The following CEP63 variants were observed in gnomAD, a reference collection of about 807,000 sequenced individuals.
CEP63 encodes centrosomal protein of 63 kDa.
Under a neutral mutation model 89.1 loss-of-function variants are expected in CEP63, and 84 were observed. That is an observed-to-expected ratio of 0.94 (90% CI 0.79 to 1.13). The LOEUF (loss-of-function observed/expected upper bound fraction) is 1.13. CEP63 is among the 50% of genes most tolerant of loss of function. CEP63 has a pLI of 0.00. For missense variants in CEP63, 838 were observed against 813.3 expected, an observed-to-expected ratio of 1.03 and a Z score of -0.37; for synonymous variants, 267 against 272.5, an observed-to-expected ratio of 0.98 and a Z score of 0.20.
At chr3:134,604,061 G>A in the CEP63 span, 15 of 1,613,812 alleles carry the variant, frequency 9.3e-6, 1 homozygote, top group South Asian at 1.6e-4. Context: ...TCAGTGATGG[G>A]GCCATCATCC....
At chr3:134,606,061 C>T in the CEP63 span, among the ~76,000 whole-genome samples, 1 of 152,238 alleles carries the variant, frequency 6.6e-6, no homozygotes, top group Non-Finnish European at 1.5e-5. Flanking sequence ...TTGCTATCCC[C>T]TCTTGGTGAA....
the CEP63 span, among the ~76,000 whole-genome samples, chr3:134,644,808 G>A: frequency 5.9e-5 from 9 of 152,218 alleles, no homozygotes; most frequent in Admixed American, 5.9e-4. Context: ...GTCCTGCCCT[G>A]GAAAGCCTGC....
rs1219530313 is a variant in CEP63 at position 134,486,243 on chromosome 3, T to C, written c.-26+41T>C. On this transcript the variant is annotated intron_variant, in intron 1 of 14. Transcript: ENST00000675561. ...CTCAGGGGCGTGCTTGCGGCAACCC[T>C]GTAACCGCCGGTGCGCAAGTTGGAG... is the stretch of plus-strand genomic sequence containing the variant. The C allele has an allele frequency of 8.1e-6, 8 of 985,300 alleles. No homozygotes were observed. The East Asian group carries it at 7.9e-4, about 98-fold the overall frequency. The allele number at this position is 985,300 out of a possible 1,614,324, so 61.0% of individuals were successfully genotyped here.
intron 11 of CEP63, among the ~76,000 whole-genome samples, chr3:134,571,115 C>T (rs985646662): frequency 3.3e-5 from 5 of 152,220 alleles, no homozygotes; most frequent in African/African-American, 1.2e-4. Context: ...AACCAAATCA[C>T]ATCAAGTGTT....
chr3:134,686,490 C>T, the CEP63 span, among the ~76,000 whole-genome samples: 22 of 152,152 alleles, frequency 1.4e-4, no homozygotes, highest in Non-Finnish European at 3.2e-4. Flanking sequence ...GGGGCAGTAG[C>T]CAGGATCCCA....
chr3:134,575,079 A>T, downstream of CEP63: 2 of 385,514 alleles, frequency 5.2e-6, no homozygotes, highest in Non-Finnish European at 9.2e-6. Flanking sequence ...CACTAAAAAC[A>T]TCAGGAATTT....
the CEP63 span, among the ~76,000 whole-genome samples, chr3:134,665,693 ACACACAC>A: frequency 1.4e-5 from 2 of 138,628 alleles, no homozygotes; most frequent in Non-Finnish European, 1.6e-5. Context: ...ACACACACAC[ACACACAC>A]ACAGAGAGAG....
At position 134,559,232 on chromosome 3, in the gene CEP63, T is replaced by C; in HGVS notation, c.1756T>C (p.Ser586Pro). 1 of 1,614,154 alleles carries C rather than the reference T, an allele frequency of 6.2e-7. No homozygotes were observed. Among genetic ancestry groups the C allele is most frequent in the Middle Eastern group, 1.6e-4 (1 of 6,062 alleles). ...TCTTCATTCTCCAAGAGGACAAGCG[T>C]CGGATAGTATAAACCCCATGTCTAG... ...TDLHSPRGQASDSINPMSRVL... is the reference protein window; with the variant it reads ...TDLHSPRGQAPDSINPMSRVL... The change falls in exon 14 of 15, where the codon TCG becomes CCG. Residue 586 changes from serine (S) to proline (P), a missense_variant. Coordinates refer to ENST00000675561, the MANE Select transcript of CEP63 (RefSeq NM_001353108.3).
the CEP63 span, among the ~76,000 whole-genome samples, chr3:134,743,049 T>C: frequency 6.6e-6 from 1 of 152,144 alleles, no homozygotes; most frequent in Non-Finnish European, 1.5e-5. Context: ...AAATCATACC[T>C]CCAGGGCATA....
the CEP63 span, chr3:134,608,834 T>C: frequency 1.2e-6 from 2 of 1,608,196 alleles, no homozygotes; most frequent in East Asian, 2.2e-5. Flanking sequence ...GTAGAACTCA[T>C]TGTAGCTGGA....
the CEP63 span, among the ~76,000 whole-genome samples, chr3:134,775,902 C>T: frequency 3.0e-4 from 45 of 152,254 alleles, no homozygotes; most frequent in South Asian, 6.2e-4. Flanking sequence ...TGGGGCTTCC[C>T]GCTTTCTTTC....
At chr3:134,513,390 G>A (rs770565271) in intron 3 of CEP63, among the ~76,000 whole-genome samples, 9 of 152,140 alleles carry the variant, frequency 5.9e-5, no homozygotes, top group Non-Finnish European at 1.2e-4. Flanking sequence ...AGTTAAATAT[G>A]AATTATTTCA....
At chr3:134,654,141 C>A in the CEP63 span, among the ~76,000 whole-genome samples, 2 of 152,156 alleles carry the variant, frequency 1.3e-5, no homozygotes, top group African/African-American at 4.8e-5. Flanking sequence ...GCCCTGCATC[C>A]GATACTCCTC....
chr3:134,715,828 C>G, the CEP63 span, among the ~76,000 whole-genome samples: 3 of 152,290 alleles, frequency 2.0e-5, no homozygotes, highest in African/African-American at 7.2e-5. Context: ...TTCAAGATCT[C>G]TCTTTCCATG....
the CEP63 span, among the ~76,000 whole-genome samples, chr3:134,767,449 T>G: frequency 3.3e-5 from 5 of 152,188 alleles, no homozygotes; most frequent in African/African-American, 9.7e-5. Context: ...GCTCCACACT[T>G]TAGCCCAAAT....
intron 8 of CEP63, 52 bp downstream of exon 8, chr3:134,546,340 T>A: frequency 6.8e-7 from 1 of 1,473,056 alleles, no homozygotes; most frequent in Non-Finnish European, 9.4e-7. Context: ...GACTAGGTAT[T>A]AAGCACTAGG....
At chr3:134,495,031 C>T (rs1376938135) in intron 1 of CEP63, among the ~76,000 whole-genome samples, 1 of 152,186 alleles carries the variant, frequency 6.6e-6, no homozygotes, top group Admixed American at 6.5e-5. Context: ...AGGAATTAGG[C>T]AAAGAACAAT....
chr3:134,612,205 T>C, the CEP63 span, among the ~76,000 whole-genome samples: 6 of 152,140 alleles, frequency 3.9e-5, no homozygotes, highest in African/African-American at 1.4e-4. Flanking sequence ...AGGAATCCCA[T>C]AAGAACATAC....
At chr3:134,775,929 G>A in the CEP63 span, among the ~76,000 whole-genome samples, 3 of 152,160 alleles carry the variant, frequency 2.0e-5, no homozygotes, top group South Asian at 2.1e-4. Flanking sequence ...CACCCCTCCC[G>A]GTCTCTGCAT....
Sources: allele counts gnomAD v4.1 joint callset (sites outside exome capture counted in the v4.1 genomes callset), GRCh38; gene constraint gnomAD v4.1.1; transcripts MANE v1.5; gene names NCBI Gene and HGNC (gene_info 2026-07-23, HGNC 2026-07-21).